JAML: variants seen among roughly 807,000 people sequenced by gnomAD.
JAML encodes junctional adhesion molecule-like.
Under a neutral mutation model 39.3 loss-of-function variants are expected in JAML, and 25 were observed. That is an observed-to-expected ratio of 0.64 (90% confidence interval 0.46 to 0.89). The LOEUF (loss-of-function observed/expected upper bound fraction) is 0.89, where lower values mean the gene tolerates loss of function less well. JAML is among the 40% of genes least tolerant of loss of function. The pLI is 0.00. For synonymous variants in JAML, 162 were observed against 179.2 expected, an observed-to-expected ratio of 0.90 and a Z score of 0.77; for missense variants, 440 against 486.9, an observed-to-expected ratio of 0.90 and a Z score of 0.91.
At chr11:118,203,779 T>A in intron 5 of JAML, 114 bp from the exon 6 acceptor site, 1 of 825,650 alleles carries the variant, frequency 1.2e-6, no homozygotes, top group Non-Finnish European at 2.1e-6. Flanking sequence ...GTGAAGGCAG[T>A]AAGGGTATTA....
At chr11:118,202,925 A>G in intron 6 of JAML, 2 of 456,226 alleles carry the variant, frequency 4.4e-6, no homozygotes, top group South Asian at 1.5e-5. Context: ...CTTGATGCAC[A>G]CTGTTTGCCA....
chr11:118,224,206 C>A (rs12295438), intron 1 of JAML: 2 of 152,062 alleles, frequency 1.3e-5, no homozygotes, highest in Non-Finnish European at 2.9e-5. Flanking sequence ...TAGGTCACAT[C>A]GGTTAATGCT....
In JAML at chr11:118,194,126, C is replaced by G; in HGVS notation, c.*199G>C. ...CAGAGGCCAAGTCCATGCTCCCCTCCCCTCAGCAGGCCTGTTCCTCCAGAG... is the reference window on the plus strand; with the variant it reads ...CAGAGGCCAAGTCCATGCTCCCCTCGCCTCAGCAGGCCTGTTCCTCCAGAG... On this transcript the variant is annotated 3_prime_UTR_variant, in exon 10 of 10. Coordinates refer to ENST00000356289, the MANE Select transcript of JAML (RefSeq NM_001098526.2). The G allele has an allele frequency of 1.8e-6, 1 of 547,168 alleles. No homozygotes were observed. The highest frequency in any genetic ancestry group is 3.0e-5 in the Admixed American group (1 of 33,856). 33.9% of individuals were successfully genotyped at this position (547,168 alleles called of 1,614,324 possible). A position where few individuals can be genotyped will look rare whatever the true frequency, so the allele number is the denominator to read the frequency against.
At chr11:118,198,199 G>T (rs1323020913) in intron 7 of JAML, 108 bp from the exon 8 acceptor site, 1 of 902,522 alleles carries the variant, frequency 1.1e-6, no homozygotes, top group Non-Finnish European at 1.8e-6. Context: ...ACCAGAGAAG[G>T]AACTATTCTC....
intron 9 of JAML, 42 bp from the exon 10 acceptor site, chr11:118,194,459 A>T: frequency 1.3e-6 from 2 of 1,522,040 alleles, no homozygotes; most frequent in Non-Finnish European, 1.8e-6. Context: ...TGCTTGTAAG[A>T]AGTAGTTCCA....
Position 118,210,502 on chromosome 11 carries a change from G to A in JAML, c.409C>T (p.Pro137Ser). 1 of 1,613,936 alleles carries A rather than the reference G, an allele frequency of 6.2e-7. No homozygotes were observed. Among genetic ancestry groups the A allele is most frequent in the East Asian group, 2.2e-5 (1 of 44,880 alleles). Residue 137 changes from proline to serine, a missense_variant, in exon 4 of 10, where the codon CCA becomes TCA. Transcript: ENST00000356289. Reference sequence around the variant, plus strand: ...ATTTGCGTACCTTTGGGCTCCTCTGGAAGCACATGCAGTACCACCGCCTTC... The same window carrying A: ...ATTTGCGTACCTTTGGGCTCCTCTGAAAGCACATGCAGTACCACCGCCTTC... ...FKKAVVLHVLPEEPKELMVHV... is the reference protein window; with the variant it reads ...FKKAVVLHVLSEEPKELMVHV...
rs1591458042 is a variant in JAML, at chr11:118,198,126, C to A, written c.912-35G>T. 5.4e-5 allele frequency: 84 copies of A among 1,567,374 alleles called. No homozygotes were observed. In the East Asian group the frequency reaches 1.8e-3, roughly 33 times the overall value. On this transcript the variant is annotated intron_variant, in intron 7 of 9. Transcript: ENST00000356289. ...ATGAAAAGCATGTGGAATTAACCAGCGGGCATGGTTTATTCAAGGGTCCCT... is the reference window on the plus strand; with the variant it reads ...ATGAAAAGCATGTGGAATTAACCAGAGGGCATGGTTTATTCAAGGGTCCCT...
At chr11:118,197,726 C>T (rs574724549) in intron 8 of JAML, 114 of 390,602 alleles carry the variant, frequency 2.9e-4, no homozygotes, top group African/African-American at 2.1e-3. Flanking sequence ...TGATGAGACT[C>T]AGGGAGGTGG....
At chr11:118,210,389 C>T in intron 4 of JAML, 98 bp downstream of exon 4, 1 of 1,147,884 alleles carries the variant, frequency 8.7e-7, no homozygotes, top group East Asian at 2.4e-5. Flanking sequence ...AAGTACTTAG[C>T]CCAAAGGCTG....
Position 118,222,715 on chromosome 11 carries a change from T to C in JAML, c.-21+2226A>G, listed in dbSNP as rs1949221889. Among the ~76,000 whole-genome samples the C allele has an allele frequency of 6.6e-6, 1 of 152,210 alleles. No individual in the cohort carries two copies. The highest frequency in any genetic ancestry group is 1.5e-5 in the Non-Finnish European group (1 of 68,040). Reference sequence around the variant, plus strand: ...AAGAATGTGTTTTGGTGGGAGGTTATAAGAAGGCGTGTGAATATGGTTTCT... The same window carrying C: ...AAGAATGTGTTTTGGTGGGAGGTTACAAGAAGGCGTGTGAATATGGTTTCT... On this transcript the variant is annotated intron_variant, in intron 1 of 9. Transcript: ENST00000356289. The surrounding 1 kb of genome is among the most constrained non-coding windows in gnomAD (Gnocchi z 4.2).
At chr11:118,203,383 C>A in intron 6 of JAML, 45 bp downstream of exon 6, 1 of 1,547,886 alleles carries the variant, frequency 6.5e-7, no homozygotes. Context: ...GCGCCATGCA[C>A]CAGCCAGGAG....
chr11:118,199,585 C>A (rs1948731417), intron 7 of JAML, among the ~76,000 whole-genome samples: 1 of 152,118 alleles, frequency 6.6e-6, no homozygotes, highest in Non-Finnish European at 1.5e-5. Context: ...GATCTGCCAA[C>A]AGCCAGTGAA....
intron 9 of JAML, among the ~76,000 whole-genome samples, chr11:118,195,061 T>C (rs1332899868): frequency 1.3e-5 from 2 of 152,212 alleles, no homozygotes; most frequent in Non-Finnish European, 2.9e-5. Context: ...AAGTTAGCTG[T>C]GAAGACAATT....
At chr11:118,213,831 G>C (rs575141524) in intron 2 of JAML, among the ~76,000 whole-genome samples, 1 of 152,136 alleles carries the variant, frequency 6.6e-6, no homozygotes, top group Admixed American at 6.6e-5. Flanking sequence ...TCTCTGGATC[G>C]GAGGGCAAAA....
At chr11:118,224,182 T>G (rs1220126524) in intron 1 of JAML, 1 of 152,256 alleles carries the variant, frequency 6.6e-6, no homozygotes, top group Non-Finnish European at 1.5e-5. Flanking sequence ...TCACGTGGCT[T>G]CTGTAACACA....
At chr11:118,212,279 G>T in intron 3 of JAML, 128 bp downstream of exon 3, 1 of 1,200,660 alleles carries the variant, frequency 8.3e-7, no homozygotes, top group Non-Finnish European at 1.1e-6. Context: ...GCCCAGTTCT[G>T]ATAATCTCCA....
intron 4 of JAML, among the ~76,000 whole-genome samples, chr11:118,208,276 T>C (rs1341154101): frequency 1.3e-5 from 2 of 151,926 alleles, no homozygotes; most frequent in Admixed American, 1.3e-4. Flanking sequence ...GGCACAGGCA[T>C]CTGATTTGCT....
intron 1 of JAML, among the ~76,000 whole-genome samples, chr11:118,221,643 A>G (rs1375862127): frequency 1.3e-5 from 2 of 152,190 alleles, no homozygotes; most frequent in Non-Finnish European, 2.9e-5. Flanking sequence ...CAGGCCATGG[A>G]CCAGTGCCAG....
intron 6 of JAML, chr11:118,202,790 C>T (rs767767240): frequency 3.4e-5 from 13 of 377,028 alleles, no homozygotes; most frequent in African/African-American, 1.9e-4. Flanking sequence ...AAGGCCCTAG[C>T]GACAGGCAAA....
Sources: gnomAD v4.1 joint callset for allele counts (sites outside exome capture counted in the v4.1 genomes callset) on GRCh38, gnomAD v4.1.1 for gene constraint, Gnocchi (gnomAD v3.1) non-coding constraint, MANE v1.5 for transcripts, NCBI Gene and HGNC (gene_info 2026-07-23, HGNC 2026-07-21) for gene names.